GOLIM4: variants seen among roughly 807,000 people sequenced by gnomAD.
The protein encoded by GOLIM4 is 130 kDa golgi-localized phosphoprotein.
A neutral mutation model predicts 107.4 loss-of-function variants in GOLIM4; 71 were observed. The ratio of observed to expected loss-of-function variants is 0.66; its 90% confidence interval spans 0.55 to 0.81. The LOEUF (loss-of-function observed/expected upper bound fraction) is 0.81. Among genes scored for constraint, GOLIM4 ranks in the 30% least tolerant of loss-of-function variants. The pLI, the probability that GOLIM4 is intolerant of heterozygous loss-of-function variation, is 0.00. For missense variants in GOLIM4, 830 were observed against 826.1 expected, an observed-to-expected ratio of 1.00 and a Z score of -0.06; for synonymous variants, 327 against 294.8, an observed-to-expected ratio of 1.11 and a Z score of -1.12.
chr3:168,040,517 T>G (rs151313794), intron 7 of GOLIM4, among the ~76,000 whole-genome samples: 1 of 152,306 alleles, frequency 6.6e-6, no homozygotes, highest in East Asian at 1.9e-4. Context: ...ATCATTTCTG[T>G]GATTTAAACA....
intron 7 of GOLIM4, among the ~76,000 whole-genome samples, chr3:168,040,173 A>T (rs1718902821): frequency 6.6e-6 from 1 of 152,182 alleles, no homozygotes; most frequent in African/African-American, 2.4e-5. Context: ...TCGCTTTAAT[A>T]AGCTCTCCAA....
chr3:168,075,131 T>TA (rs957236763), intron 1 of GOLIM4, among the ~76,000 whole-genome samples: 32 of 149,194 alleles, frequency 2.1e-4, no homozygotes, highest in Admixed American at 6.7e-4. Flanking sequence ...CCAGTGAAGT[T>TA]AAAAAAAAAA....
intron 2 of GOLIM4, among the ~76,000 whole-genome samples, 156 bp downstream of exon 2, chr3:168,048,135 A>G (rs1472585686): frequency 1.3e-5 from 2 of 152,236 alleles, no homozygotes; most frequent in African/African-American, 4.8e-5. Context: ...TGCACAATGC[A>G]TAATATATTA....
intron 15 of GOLIM4, 70 bp downstream of exon 15, chr3:168,010,673 T>C (rs994942181): frequency 4.4e-6 from 5 of 1,125,062 alleles, no homozygotes; most frequent in Admixed American, 1.7e-5. Context: ...CAAATACATA[T>C]ATCTCTCCTA....
chr3:168,014,046 G>T (rs886242722), intron 14 of GOLIM4, among the ~76,000 whole-genome samples: 8 of 135,890 alleles, frequency 5.9e-5, no homozygotes, highest in Non-Finnish European at 1.0e-4. Flanking sequence ...AATCAGAGCA[G>T]AACTGAAGGA....
intron 1 of GOLIM4, among the ~76,000 whole-genome samples, chr3:168,049,374 T>A (rs1229598455): frequency 1.3e-5 from 2 of 152,174 alleles, no homozygotes; most frequent in Non-Finnish European, 1.5e-5. Flanking sequence ...CTGAGAGAAG[T>A]TAGTGAAGCA....
At chr3:168,018,426 T>C (rs931374546) in intron 14 of GOLIM4, among the ~76,000 whole-genome samples, 12 of 152,150 alleles carry the variant, frequency 7.9e-5, no homozygotes, top group African/African-American at 2.2e-4. Flanking sequence ...AGCCAAACCA[T>C]TGTGAACCTC....
intron 9 of GOLIM4, among the ~76,000 whole-genome samples, chr3:168,030,416 T>C (rs1267714408): frequency 6.6e-6 from 1 of 151,710 alleles, no homozygotes; most frequent in South Asian, 2.1e-4. Context: ...TGTGACCTTA[T>C]GCTACGCCTA....
chr3:168,067,460 A>G (rs937642175), intron 1 of GOLIM4, among the ~76,000 whole-genome samples: 10 of 151,682 alleles, frequency 6.6e-5, no homozygotes, highest in Non-Finnish European at 1.2e-4. Flanking sequence ...CACAATACAA[A>G]AAGAGCAAAA....
chr3:168,029,658 G>T, intron 10 of GOLIM4, 122 bp downstream of exon 10: 2 of 1,035,746 alleles, frequency 1.9e-6, no homozygotes, highest in South Asian at 1.6e-5. Context: ...GTCCTGCCTT[G>T]GCTATTTGAG....
At chr3:168,038,944 T>C (rs1718812546) in intron 7 of GOLIM4, among the ~76,000 whole-genome samples, 1 of 152,190 alleles carries the variant, frequency 6.6e-6, no homozygotes, top group Non-Finnish European at 1.5e-5. Flanking sequence ...GGTCTCTTTC[T>C]GCTATGTGAA....
At chr3:168,045,947 T>A (rs1719277308) in intron 3 of GOLIM4, among the ~76,000 whole-genome samples, 1 of 152,156 alleles carries the variant, frequency 6.6e-6, no homozygotes, top group South Asian at 2.1e-4. Flanking sequence ...AGTGGTGGGA[T>A]CATAGCTCAT....
chr3:168,026,790 G>T (rs1006824026), intron 12 of GOLIM4, among the ~76,000 whole-genome samples: 4 of 152,196 alleles, frequency 2.6e-5, no homozygotes, highest in African/African-American at 9.6e-5. Context: ...TGCAAGGAAT[G>T]CCAGGGAAAG....
chr3:168,064,157 T>C (rs1258081465), intron 1 of GOLIM4, among the ~76,000 whole-genome samples: 8 of 152,224 alleles, frequency 5.3e-5, no homozygotes, highest in Non-Finnish European at 5.9e-5. Context: ...AAATATCCTA[T>C]GGGATATTCT....
chr3:168,037,877 T>C (rs570927924), intron 7 of GOLIM4, among the ~76,000 whole-genome samples: 45 of 152,254 alleles, frequency 3.0e-4, no homozygotes, highest in Non-Finnish European at 5.1e-4. Context: ...AACAGAAATG[T>C]TGTGTGTGTA....
rs186120800 is a variant in GOLIM4, at chr3:168,025,094, C to T, written c.1625G>A (p.Arg542Lys). 10 of 1,602,242 alleles carry T rather than the reference C, an allele frequency of 6.2e-6. No individual in the cohort carries two copies. The Admixed American group carries it at 1.6e-4, about 25-fold the overall frequency. The change falls in exon 13 of 16, where the codon AGG (arginine) becomes AAG (lysine). Residue 542 changes from arginine (R) to lysine (K), a missense_variant and splice_region_variant. Coordinates refer to ENST00000470487, the MANE Select transcript of GOLIM4 (RefSeq NM_014498.5). ...TGGGTTTATATCTTCTACAGCTGCC[C>T]TCTGTAAAATTTTAATAAAAAGCAA... The part of the protein sequence containing the change: ...READPESEAD[R>K]AAVEDINPAD...
rs1045116539 is a variant in GOLIM4 at position 168,018,245 on chromosome 3, C to T, written c.1860+6281G>A. On this transcript the variant is annotated intron_variant, in intron 14 of 15. Transcript: ENST00000470487. ...GTGGAAAAATCTAAGAAATGAACAA[C>T]GGAAGAAAAGTATACAGATGCTATA... 8.5e-5 allele frequency among the ~76,000 whole-genome samples: 13 copies of T among 152,102 alleles called. No individual in the cohort carries two copies. In the East Asian group the frequency reaches 1.4e-3, roughly 16 times the overall value.
intron 1 of GOLIM4, among the ~76,000 whole-genome samples, chr3:168,072,443 G>A (rs1720881389): frequency 1.3e-5 from 2 of 149,364 alleles, no homozygotes; most frequent in Non-Finnish European, 3.0e-5. Context: ...ACTAAAACTT[G>A]GCAGAGCTAT....
intron 8 of GOLIM4, among the ~76,000 whole-genome samples, chr3:168,034,813 G>C (rs767495902): frequency 2.6e-5 from 4 of 152,140 alleles, no homozygotes; most frequent in African/African-American, 9.7e-5. Flanking sequence ...GTTTTAAAAA[G>C]AGGAGTTACC....
Sources: gnomAD v4.1 joint callset for allele counts (sites outside exome capture counted in the v4.1 genomes callset) on GRCh38, gnomAD v4.1.1 for gene constraint, MANE v1.5 for transcripts, NCBI Gene and HGNC (gene_info 2026-07-23, HGNC 2026-07-21) for gene names.